Variants in SUMF1 observed in about 807,000 individuals in gnomAD.
The protein encoded by SUMF1 is formylglycine-generating enzyme.
In SUMF1, 48 loss-of-function variants were observed where a neutral mutation model predicts 47.6. The ratio of observed to expected loss-of-function variants is 1.01; its 90% CI spans 0.80 to 1.28. The LOEUF (loss-of-function observed/expected upper bound fraction) is 1.28. Ranked by LOEUF, SUMF1 falls within the 50% of genes most tolerant of loss-of-function variation. The probability of loss-of-function intolerance (pLI) is 0.00; values close to 1 mark genes in which losing one functional copy is unlikely to be tolerated. For synonymous variants in SUMF1, 230 were observed against 192.1 expected (o/e 1.20, Z -1.63); for missense variants, 571 against 485.4 (o/e 1.18, Z -1.66).
chr3:4,076,075 A>G (rs1317394732), intron 8 of SUMF1, among the ~76,000 whole-genome samples: 2 of 152,134 alleles, frequency 1.3e-5, no homozygotes, highest in Non-Finnish European at 2.9e-5. Flanking sequence ...GCATCATGCT[A>G]CCTGACTTTA....
intron 8 of SUMF1, among the ~76,000 whole-genome samples, chr3:4,100,611 C>T (rs1016274810): frequency 3.9e-5 from 6 of 152,072 alleles, no homozygotes; most frequent in African/African-American, 1.2e-4. Flanking sequence ...TGACAGTGGT[C>T]TGGGCAATGA....
chr3:4,106,332 T>C (rs1447420158), intron 8 of SUMF1, among the ~76,000 whole-genome samples: 1 of 152,102 alleles, frequency 6.6e-6, no homozygotes, highest in Non-Finnish European at 1.5e-5. Flanking sequence ...TTTCTACTTC[T>C]TTTTTCAGCT....
intron 8 of SUMF1, among the ~76,000 whole-genome samples, chr3:4,138,857 AC>A (rs2125094508): frequency 6.6e-6 from 1 of 151,996 alleles, no homozygotes; most frequent in South Asian, 2.1e-4. Flanking sequence ...GGTCATGGGA[AC>A]CCTCAAATTT....
In SUMF1 at chr3:4,208,452, T is replaced by C. The variant is rs545868833; in HGVS notation, c.1015-139707A>G. ...TGTCAACCTTTCTACAGAAAATTTA[T>C]AGGACATTCTAGAAGGCAAAAAAAA... On this transcript the variant is annotated intron_variant and NMD_transcript_variant, in intron 8 of 12. Transcript: ENST00000448413. 1.8e-4 allele frequency among the ~76,000 whole-genome samples: 23 copies of C among 128,950 alleles called. No homozygotes were observed. The South Asian group carries it at 4.1e-3, about 23-fold the overall frequency. The allele number at this position is 128,950 out of a possible 152,430, so 84.6% of individuals were successfully genotyped here. A position where few individuals can be genotyped will look rare whatever the true frequency, so the allele number is the denominator to read the frequency against.
intron 8 of SUMF1, among the ~76,000 whole-genome samples, chr3:4,124,859 T>C (rs1349991687): frequency 6.6e-6 from 1 of 151,782 alleles, no homozygotes; most frequent in Non-Finnish European, 1.5e-5. Flanking sequence ...AAAGTCAATA[T>C]CTAATATACA....
At chr3:4,128,385 CT>C (rs1693707740) in intron 8 of SUMF1, among the ~76,000 whole-genome samples, 1 of 152,148 alleles carries the variant, frequency 6.6e-6, no homozygotes. Flanking sequence ...CTCTGATAAA[CT>C]TTTCTTGCCA....
intron 3 of SUMF1, among the ~76,000 whole-genome samples, chr3:4,423,025 C>T (rs1224530347): frequency 6.6e-6 from 1 of 152,078 alleles, no homozygotes; most frequent in Non-Finnish European, 1.5e-5. Flanking sequence ...TAAGTGAGAA[C>T]ATATGTTGTT....
chr3:4,305,719 C>T (rs1490447990), intron 8 of SUMF1, among the ~76,000 whole-genome samples: 2 of 152,160 alleles, frequency 1.3e-5, no homozygotes, highest in Admixed American at 1.3e-4. Context: ...AAAATTAAAA[C>T]TCCTCTGATG....
intron 7 of SUMF1, among the ~76,000 whole-genome samples, chr3:4,385,952 C>T (rs79946490): frequency 0.03 from 4,526 of 152,168 alleles, 214 homozygotes; most frequent in African/African-American, 0.1. Flanking sequence ...TATGTGTGGG[C>T]CTATTTCTGG....
At chr3:4,116,357 C>A (rs777046254) in intron 8 of SUMF1, among the ~76,000 whole-genome samples, 1 of 152,102 alleles carries the variant, frequency 6.6e-6, no homozygotes, top group Admixed American at 6.5e-5. Flanking sequence ...CTCTTTATTG[C>A]GCAGAATAAG....
At chr3:4,113,240 T>C (rs562435404) in intron 8 of SUMF1, among the ~76,000 whole-genome samples, 1 of 152,230 alleles carries the variant, frequency 6.6e-6, no homozygotes, top group Admixed American at 6.5e-5. Context: ...TTGAAATATA[T>C]ATTACAACCT....
At chr3:4,127,715 C>A (rs1693687622) in intron 8 of SUMF1, among the ~76,000 whole-genome samples, 1 of 152,078 alleles carries the variant, frequency 6.6e-6, no homozygotes. Flanking sequence ...TAGTTCTGTT[C>A]CCCTAGCAAA....
intron 8 of SUMF1, among the ~76,000 whole-genome samples, chr3:4,086,610 G>A (rs1692677459): frequency 6.6e-6 from 1 of 152,036 alleles, no homozygotes; most frequent in Admixed American, 6.6e-5. Flanking sequence ...ATTGCAAGTG[G>A]TTAGAGAACT....
At chr3:4,219,714 C>T (rs1192400737) in intron 8 of SUMF1, among the ~76,000 whole-genome samples, 1 of 152,078 alleles carries the variant, frequency 6.6e-6, no homozygotes, top group Non-Finnish European at 1.5e-5. Context: ...TCTGAGGTAC[C>T]TCCATAAGAA....
At chr3:4,044,399 A>G (rs940540785) in intron 9 of SUMF1, among the ~76,000 whole-genome samples, 1 of 152,212 alleles carries the variant, frequency 6.6e-6, no homozygotes, top group Non-Finnish European at 1.5e-5. Flanking sequence ...AGTGCTGACA[A>G]TAATTACTAA....
In SUMF1 at chr3:4,155,947, C is replaced by A. The variant is rs149360893; in HGVS notation, c.1015-87202G>T. Reference sequence around the variant, plus strand: ...TCATGGTGTCCCTTTCCCCTGAACACAGTAATTACCCCAGGTATAACACTT... The same window carrying A: ...TCATGGTGTCCCTTTCCCCTGAACAAAGTAATTACCCCAGGTATAACACTT... On this transcript the variant is annotated intron_variant and NMD_transcript_variant, in intron 8 of 12. Transcript: ENST00000448413. 2.8e-4 allele frequency among the ~76,000 whole-genome samples: 42 copies of A among 151,452 alleles called. No homozygotes were observed. In the East Asian group the frequency reaches 6.2e-3, roughly 22 times the overall value.
chr3:4,102,196 T>C (rs544342745), intron 8 of SUMF1, among the ~76,000 whole-genome samples: 1 of 152,122 alleles, frequency 6.6e-6, no homozygotes, highest in Non-Finnish European at 1.5e-5. Context: ...ACATAATTTC[T>C]GGAATATTCT....
intron 8 of SUMF1, among the ~76,000 whole-genome samples, chr3:4,267,965 AGC>A: frequency 6.8e-6 from 1 of 146,678 alleles, no homozygotes; most frequent in Middle Eastern, 3.5e-3. Flanking sequence ...TATTCACAAT[AGC>A]AAAGACTTGG....
chr3:4,122,125 A>G (rs1693558793), intron 8 of SUMF1, among the ~76,000 whole-genome samples: 1 of 152,082 alleles, frequency 6.6e-6, no homozygotes, highest in Non-Finnish European at 1.5e-5. Flanking sequence ...ACTGATGGAC[A>G]TTTAGGTTGA....
Sources: allele counts gnomAD v4.1 joint callset (sites outside exome capture counted in the v4.1 genomes callset), GRCh38; gene constraint gnomAD v4.1.1; transcripts MANE v1.5; gene names NCBI Gene and HGNC (gene_info 2026-07-23, HGNC 2026-07-21).